Variants in USP28 observed in about 807,000 individuals in gnomAD.
The protein encoded by USP28 is ubiquitin carboxyl-terminal hydrolase 28.
A neutral mutation model predicts 145.0 loss-of-function variants in USP28; 113 were observed. The observed-to-expected ratio is 0.78, with a 90% CI of 0.67 to 0.91. USP28 has a LOEUF of 0.91. Among genes scored for constraint, USP28 ranks in the 40% least tolerant of loss-of-function variants. USP28 has a pLI of 0.00. For synonymous variants in USP28, 447 were observed against 450.9 expected, an observed-to-expected ratio of 0.99 and a Z score of 0.11; for missense variants, 1,201 against 1,289.6, an observed-to-expected ratio of 0.93 and a Z score of 1.05.
intron 3 of USP28, among the ~76,000 whole-genome samples, chr11:113,848,192 A>G (rs1201903045): frequency 1.3e-5 from 2 of 152,264 alleles, no homozygotes; most frequent in African/African-American, 4.8e-5. Context: ...TCAATTAAAC[A>G]TACTGATTAA....
chr11:113,821,219 A>G (rs950690656), intron 12 of USP28: 3 of 222,894 alleles, frequency 1.3e-5, no homozygotes, highest in Non-Finnish European at 3.0e-5. Flanking sequence ...GCTTCTGGAC[A>G]CCACTCCACC....
At chr11:113,866,324 G>GT (rs1295435407) in intron 1 of USP28, among the ~76,000 whole-genome samples, 3 of 151,958 alleles carry the variant, frequency 2.0e-5, no homozygotes, top group Non-Finnish European at 4.4e-5. Flanking sequence ...AATACACAGT[G>GT]TACAAATTAT....
At chr11:113,859,350 T>C (rs1947398906) in intron 1 of USP28, 1 of 152,216 alleles carries the variant, frequency 6.6e-6, no homozygotes, top group South Asian at 2.1e-4. Context: ...GTCTAAGTGC[T>C]TGCTTGAGCA....
At chr11:113,816,238 C>T (rs978492626) in intron 13 of USP28, among the ~76,000 whole-genome samples, 6 of 152,098 alleles carry the variant, frequency 3.9e-5, no homozygotes, top group Non-Finnish European at 7.4e-5. Context: ...TCACTCCTGC[C>T]GGGTACGGTG....
intron 2 of USP28, 86 bp downstream of exon 2, chr11:113,854,172 G>A: frequency 8.1e-7 from 1 of 1,235,244 alleles, no homozygotes; most frequent in Non-Finnish European, 1.1e-6. Context: ...GCTTTAATTT[G>A]GGAATAGAAA....
rs1941107753 is a variant in USP28, at chr11:113,812,259, T to C, written c.1972+17A>G. ...CAGATTTTCCCCAATCTATAGATTC[T>C]GCCAAGATACTTTTACCTGCATTGA... is the stretch of plus-strand genomic sequence containing the variant. On this transcript the variant is annotated intron_variant, in intron 16 of 24. Transcript: ENST00000003302. The C allele has an allele frequency of 6.2e-7, 1 of 1,604,716 alleles. No homozygotes were observed.
In USP28 at chr11:113,804,755, T is replaced by C; in HGVS notation, c.2580-4A>G. The C allele has an allele frequency of 3.1e-6, 5 of 1,612,618 alleles. No individual in the cohort carries two copies. The highest frequency in any genetic ancestry group is 2.5e-6 in the Non-Finnish European group (3 of 1,180,012). On this transcript the variant is annotated splice_polypyrimidine_tract_variant and splice_region_variant and intron_variant, in intron 20 of 24. Transcript: ENST00000003302. ...CACCTTCATAATGCTGATTGATCTG[T>C]GTGGGACAAAGTTCAGAAAGCAATG...
chr11:113,872,766 C>T (rs376311268), intron 1 of USP28, among the ~76,000 whole-genome samples: 46 of 152,222 alleles, frequency 3.0e-4, no homozygotes, highest in Non-Finnish European at 5.6e-4. Context: ...AGTTGTTTCT[C>T]CTGTAATAAC....
At position 113,840,767 on chromosome 11, in the gene USP28, G is replaced by A; in HGVS notation, c.375-10C>T. On this transcript the variant is annotated splice_polypyrimidine_tract_variant and intron_variant, in intron 4 of 24. Transcript: ENST00000003302. ...GGTTGCTTCATGCATCCTATATTGT[G>A]CAGCGTGCCACACAGCAAAAAAGAA... 6.2e-7 allele frequency: 1 copy of A among 1,610,040 alleles called. No homozygotes were observed. The highest frequency in any genetic ancestry group is 1.4e-5 in the African/African-American group (1 of 73,372).
chr11:113,842,886 C>T (rs1209701475), intron 3 of USP28, among the ~76,000 whole-genome samples: 1 of 152,112 alleles, frequency 6.6e-6, no homozygotes, highest in African/African-American at 2.4e-5. Context: ...CTAAGACAAA[C>T]ACATCTATTA....
At position 113,804,667 on chromosome 11, in the gene USP28, C is replaced by T. The variant is rs779461704; in HGVS notation, c.2658+6G>A. ...TTGCTCTATAGACTTAAAGAAAACACTTTACCTTGTACTCTTCCATATTCA... is the reference window on the plus strand; with the variant it reads ...TTGCTCTATAGACTTAAAGAAAACATTTTACCTTGTACTCTTCCATATTCA... On this transcript the variant is annotated splice_donor_region_variant and intron_variant, in intron 21 of 24. Coordinates refer to ENST00000003302, the Ensembl canonical transcript of USP28. 15 of 1,610,684 alleles carry T rather than the reference C, an allele frequency of 9.3e-6. No individual in the cohort carries two copies. The South Asian group carries it at 1.2e-4, about 13-fold the overall frequency.
intron 3 of USP28, among the ~76,000 whole-genome samples, chr11:113,848,981 A>G (rs796396094): frequency 5.3e-5 from 8 of 152,298 alleles, no homozygotes; most frequent in African/African-American, 1.9e-4. Flanking sequence ...TTACCTTGCT[A>G]TGAGACATTA....
chr11:113,816,944 C>A (rs1004333932), intron 13 of USP28, among the ~76,000 whole-genome samples: 3 of 152,128 alleles, frequency 2.0e-5, no homozygotes, highest in African/African-American at 7.2e-5. Flanking sequence ...TCTATGCATA[C>A]ATGGATGAAT....
chr11:113,852,179 C>T (rs1169872730), intron 3 of USP28, among the ~76,000 whole-genome samples: 1 of 152,136 alleles, frequency 6.6e-6, no homozygotes, highest in East Asian at 1.9e-4. Flanking sequence ...CAGGTGCCCA[C>T]CACCACACCC....
At chr11:113,874,938 TGGGA>T in intron 1 of USP28, 46 of 725,352 alleles carry the variant, frequency 6.3e-5, no homozygotes, top group South Asian at 1.1e-4. Context: ...AAAGCCGGGT[TGGGA>T]GGGAGGGAAG....
chr11:113,799,426 A>G lies in USP28; in HGVS notation c.3059-11T>C. Reference sequence around the variant, plus strand: ...ACAGCTGCAGATTTTCTGTGGAGGGAAAACAGATGGTTACATATACAGCTA... The same window carrying G: ...ACAGCTGCAGATTTTCTGTGGAGGGGAAACAGATGGTTACATATACAGCTA... On this transcript the variant is annotated splice_polypyrimidine_tract_variant and intron_variant, in intron 24 of 24. Transcript: ENST00000003302. The G allele has an allele frequency of 6.2e-7, 1 of 1,610,042 alleles. No individual in the cohort carries two copies. Among genetic ancestry groups the G allele is most frequent in the Middle Eastern group, 1.7e-4 (1 of 6,034 alleles).
intron 16 of USP28, among the ~76,000 whole-genome samples, chr11:113,811,825 G>A (rs1036981516): frequency 2.6e-5 from 4 of 151,858 alleles, no homozygotes; most frequent in South Asian, 2.1e-4. Context: ...GTCTATCTAC[G>A]AGTAAATTTT....
At chr11:113,804,506 T>C (rs1939593069) in intron 21 of USP28, among the ~76,000 whole-genome samples, 167 bp downstream of exon 22, 2 of 152,230 alleles carry the variant, frequency 1.3e-5, no homozygotes, top group South Asian at 4.1e-4. Flanking sequence ...AGACCTGCTA[T>C]TCTGAGGGCA....
At chr11:113,809,633 C>A (rs1940630673) in intron 16 of USP28, among the ~76,000 whole-genome samples, 1 of 152,182 alleles carries the variant, frequency 6.6e-6, no homozygotes, top group Non-Finnish European at 1.5e-5. Context: ...ATGTGGGATG[C>A]TCAACCTGTA....
Sources: gnomAD v4.1 joint callset for allele counts (sites outside exome capture counted in the v4.1 genomes callset) on GRCh38, gnomAD v4.1.1 for gene constraint, MANE v1.5 for transcripts, NCBI Gene and HGNC (gene_info 2026-07-23, HGNC 2026-07-21) for gene names.